The following CCDC12 variants were observed in gnomAD, a reference collection of about 807,000 sequenced individuals.
The protein encoded by CCDC12 is coiled-coil domain-containing protein 12.
Under a neutral mutation model 25.7 loss-of-function variants are expected in CCDC12, and 28 were observed. That is an observed-to-expected ratio of 1.09 (90% CI 0.81 to 1.50). The LOEUF is 1.50. Ranked by LOEUF, CCDC12 falls within the 40% of genes most tolerant of loss-of-function variation. CCDC12 has a pLI of 0.00. For synonymous variants in CCDC12, 75 were observed against 87.7 expected (o/e 0.86, Z 0.81); for missense variants, 198 against 210.0 (o/e 0.94, Z 0.35).
chr3:46,951,798 A>AATATAT (rs1553649460), intron 1 of CCDC12, among the ~76,000 whole-genome samples: 9 of 8,460 alleles, frequency 1.1e-3, no homozygotes, highest in East Asian at 0.019. Context: ...AAAAAAAAAA[A>AATATAT]ATATATATAT....
At chr3:46,955,470 C>G (rs2034261574) in intron 1 of CCDC12, among the ~76,000 whole-genome samples, 1 of 152,076 alleles carries the variant, frequency 6.6e-6, no homozygotes, top group Admixed American at 6.5e-5. Context: ...CCGAGAACAC[C>G]TGGAAGGCCA....
intron 2 of CCDC12, among the ~76,000 whole-genome samples, chr3:46,931,024 ATGGGTAGCC>A (rs1316165686): frequency 6.6e-6 from 1 of 152,210 alleles, no homozygotes; most frequent in Non-Finnish European, 1.5e-5. Flanking sequence ...AAAGAGCTTT[ATGGGTAGCC>A]TGGGGCTCTC....
intron 2 of CCDC12, among the ~76,000 whole-genome samples, chr3:46,934,506 C>T (rs140476250): frequency 3.4e-4 from 52 of 152,274 alleles, no homozygotes; most frequent in South Asian, 6.2e-4. Context: ...ACATTAGTCC[C>T]AGAACAGAGG....
intron 1 of CCDC12, among the ~76,000 whole-genome samples, chr3:46,958,281 A>C (rs904007390): frequency 3.9e-5 from 6 of 152,202 alleles, no homozygotes; most frequent in African/African-American, 1.4e-4. Flanking sequence ...ACCTGGACCC[A>C]TTATATTAAG....
intron 1 of CCDC12, among the ~76,000 whole-genome samples, chr3:46,953,377 G>A (rs527244991): frequency 3.0e-4 from 45 of 152,216 alleles, no homozygotes; most frequent in African/African-American, 1.1e-3. Flanking sequence ...TTGCAACCAT[G>A]GCAATACCAT....
upstream of CCDC12, chr3:46,976,822 G>A: frequency 6.5e-7 from 1 of 1,533,888 alleles, no homozygotes; most frequent in Middle Eastern, 1.7e-4. Context: ...ATCCAAGGAC[G>A]AGAATGAGAG....
At chr3:46,930,075 A>G (rs942927515) in intron 2 of CCDC12, among the ~76,000 whole-genome samples, 64 of 144,414 alleles carry the variant, frequency 4.4e-4, no homozygotes, top group African/African-American at 1.1e-3. Flanking sequence ...GGGTCTCCCT[A>G]TGTTGCTCAG....
chr3:46,974,197 A>G (rs2034896120), intron 1 of CCDC12, among the ~76,000 whole-genome samples: 2 of 152,170 alleles, frequency 1.3e-5, no homozygotes, highest in Non-Finnish European at 2.9e-5. Flanking sequence ...GGAAAGGGGG[A>G]ATGGAGAGTT....
intron 2 of CCDC12, among the ~76,000 whole-genome samples, chr3:46,929,001 A>C (rs1042639679): frequency 9.9e-5 from 15 of 152,180 alleles, no homozygotes; most frequent in Non-Finnish European, 1.8e-4. Context: ...AAAAAAAAGC[A>C]GGGGGAAAAG....
intron 1 of CCDC12, among the ~76,000 whole-genome samples, chr3:46,961,502 T>TG (rs2034464381): frequency 6.6e-6 from 1 of 152,220 alleles, no homozygotes; most frequent in Non-Finnish European, 1.5e-5. Context: ...CTGGAGGGCC[T>TG]GGCTCAGCAG....
intron 2 of CCDC12, among the ~76,000 whole-genome samples, chr3:46,938,195 GAA>G (rs60796604): frequency 0.95 from 144,531 of 152,242 alleles, 69,110 homozygotes; most frequent in East Asian, 1. Flanking sequence ...GCTGCGGTGA[GAA>G]AAAACAAAAC....
Position 46,951,798 on chromosome 3 carries a change from A to AAAAAAAAATATATATAT in CCDC12, c.97-10734_97-10733insATATATATATTTTTTTT. 1.2e-3 allele frequency among the ~76,000 whole-genome samples: 10 copies of AAAAAAAAATATATATAT among 8,462 alleles called. 1 individual carries two copies. The highest frequency in any genetic ancestry group is 2.8e-3 in the Non-Finnish European group (10 of 3,564). The allele number at this position is 8,462 out of a possible 152,430, so 5.6% of individuals were successfully genotyped here. ...CCGTCTCAAAAAAAAAAAAAAAAAA[A>AAAAAAAAATATATATAT]ATATATATATATATATATATATATA... On this transcript the variant is annotated intron_variant, in intron 1 of 6. Transcript: ENST00000683445.
intron 1 of CCDC12, among the ~76,000 whole-genome samples, chr3:46,949,708 G>A (rs2034039192): frequency 6.6e-6 from 1 of 152,224 alleles, no homozygotes; most frequent in East Asian, 1.9e-4. Flanking sequence ...ATGTGGTACA[G>A]GGTCCCGCAT....
intron 1 of CCDC12, among the ~76,000 whole-genome samples, chr3:46,950,462 G>A (rs1039830906): frequency 6.7e-6 from 1 of 148,664 alleles, no homozygotes; most frequent in African/African-American, 2.5e-5. Flanking sequence ...GGACTACAGG[G>A]GCATGCCACC....
chr3:46,952,672 A>G (rs2034164417), intron 1 of CCDC12, among the ~76,000 whole-genome samples: 1 of 152,250 alleles, frequency 6.6e-6, no homozygotes, highest in Non-Finnish European at 1.5e-5. Context: ...TCTGTTCTGC[A>G]TGTCTTACAA....
chr3:46,975,614 T>A (rs1489793392), intron 1 of CCDC12, among the ~76,000 whole-genome samples: 7 of 136,522 alleles, frequency 5.1e-5, no homozygotes, highest in Admixed American at 2.5e-4. Context: ...CACTGCAAGC[T>A]CCGCCTCCTG....
At chr3:46,957,835 C>T (rs1485785286) in intron 1 of CCDC12, among the ~76,000 whole-genome samples, 1 of 151,816 alleles carries the variant, frequency 6.6e-6, no homozygotes, top group African/African-American at 2.4e-5. Context: ...CCCAGCTTCT[C>T]GGGAGGCTGA....
At chr3:46,941,286 G>A (rs574619327) in intron 1 of CCDC12, among the ~76,000 whole-genome samples, 7 of 152,246 alleles carry the variant, frequency 4.6e-5, no homozygotes, top group Admixed American at 3.9e-4. Flanking sequence ...CTCTTGGCTG[G>A]GCGCGGTGGC....
chr3:46,977,929 C>T (rs940755150), upstream of CCDC12, among the ~76,000 whole-genome samples: 4 of 152,224 alleles, frequency 2.6e-5, no homozygotes, highest in African/African-American at 9.7e-5. Flanking sequence ...ACCGCGAGAC[C>T]ACTTAGGCTG....
Sources: allele counts gnomAD v4.1 joint callset (sites outside exome capture counted in the v4.1 genomes callset), GRCh38; gene constraint gnomAD v4.1.1; transcripts MANE v1.5; gene names NCBI Gene and HGNC (gene_info 2026-07-23, HGNC 2026-07-21).